The following CTH variants were observed in gnomAD, a reference collection of about 807,000 sequenced individuals.
CTH encodes cystathionine gamma-lyase, also known as cystathionase (cystathionine gamma-lyase).
Under a neutral mutation model 50.6 loss-of-function variants are expected in CTH, and 41 were observed. The ratio of observed to expected loss-of-function variants is 0.81; its 90% CI spans 0.63 to 1.05. The LOEUF (loss-of-function observed/expected upper bound fraction) is 1.05, where lower values mean the gene tolerates loss of function less well. Ranked by LOEUF, CTH falls within the 50% of genes least tolerant of loss-of-function variation. The pLI is 0.00. For missense variants in CTH, 470 were observed against 492.6 expected (o/e 0.95, Z 0.43); for synonymous variants, 156 against 168.9 (o/e 0.92, Z 0.59).
intron 7 of CTH, 87 bp downstream of exon 7, chr1:70,430,481 G>T: frequency 1.4e-6 from 1 of 730,412 alleles, no homozygotes; most frequent in South Asian, 1.6e-5. Flanking sequence ...GTGAAGTGAT[G>T]GCATTCTAAT....
Position 70,439,241 on chromosome 1 carries a change from C to T in CTH, c.*114C>T. 1.1e-6 allele frequency: 1 copy of T among 937,088 alleles called. No individual in the cohort carries two copies. Among genetic ancestry groups the T allele is most frequent in the South Asian group, 1.3e-5 (1 of 75,484 alleles). 58.0% of individuals were successfully genotyped at this position (937,088 alleles called of 1,614,324 possible). On this transcript the variant is annotated 3_prime_UTR_variant, in exon 12 of 12. Transcript: ENST00000370938. ...TTTTCAAGCGGAAATTTTAAGGCAC[C>T]TCATTATCTTTCATAACTGTAATTT...
At chr1:70,427,388 T>C (rs1684367703) in intron 5 of CTH, among the ~76,000 whole-genome samples, 1 of 152,192 alleles carries the variant, frequency 6.6e-6, no homozygotes, top group Non-Finnish European at 1.5e-5. Context: ...TTTATTGAGT[T>C]AGGTATTTTG....
At chr1:70,432,403 G>C (rs1399288194) in intron 8 of CTH, among the ~76,000 whole-genome samples, 168 bp downstream of exon 8, 1 of 152,198 alleles carries the variant, frequency 6.6e-6, no homozygotes, top group Non-Finnish European at 1.5e-5. Context: ...CAGGTGGAAA[G>C]AAGATAGACC....
At position 70,424,330 on chromosome 1, in the gene CTH, G is replaced by A; in HGVS notation, c.502G>A (p.Asp168Asn). 6.2e-7 allele frequency: 1 copy of A among 1,614,084 alleles called. No homozygotes were observed. The stretch of plus-strand genomic sequence containing the variant: ...CACAAACCCCACCCAGAAGGTGATT[G>A]ACATTGAAGGCTGTGCACATATTGT... Reference protein sequence around the residue: ...TPTNPTQKVIDIEGCAHIVHK... With the variant: ...TPTNPTQKVINIEGCAHIVHK... The change falls in exon 5 of 12, where the codon GAC becomes AAC. Residue 168 changes from aspartate to asparagine, a missense_variant. By Grantham distance (23) the Asp-to-Asn change is conservative. Transcript: ENST00000370938.
chr1:70,432,899 G>T (rs1235493148), intron 8 of CTH, among the ~76,000 whole-genome samples: 1 of 151,958 alleles, frequency 6.6e-6, no homozygotes, highest in Non-Finnish European at 1.5e-5. Flanking sequence ...GGCCAGTCTG[G>T]TCTCGAACTC....
At position 70,411,398 on chromosome 1, in the gene CTH, C is replaced by T. The variant is rs763386517; in HGVS notation, c.-18C>T. ...ATCTTCGGTGTTCTTTTCCTCTCTTCTTCTTTCGCGGTTCAGCATGCAGGA... is the reference window on the plus strand; with the variant it reads ...ATCTTCGGTGTTCTTTTCCTCTCTTTTTCTTTCGCGGTTCAGCATGCAGGA... On this transcript the variant is annotated 5_prime_UTR_variant, in exon 1 of 12. Coordinates refer to ENST00000370938, the MANE Select transcript of CTH (RefSeq NM_001902.6). The T allele has an allele frequency of 3.7e-6, 6 of 1,613,782 alleles. No individual in the cohort carries two copies. In the Admixed American group the frequency reaches 1.0e-4, roughly 27 times the overall value.
At chr1:70,436,719 G>A (rs1035567248) in intron 10 of CTH, among the ~76,000 whole-genome samples, 2 of 151,904 alleles carry the variant, frequency 1.3e-5, no homozygotes, top group Admixed American at 6.6e-5. Flanking sequence ...TTCATGTAAC[G>A]CAGATTTTTG....
At chr1:70,437,070 T>C (rs1204122700) in intron 10 of CTH, among the ~76,000 whole-genome samples, 1 of 152,180 alleles carries the variant, frequency 6.6e-6, no homozygotes. Context: ...GTGAAGCTAA[T>C]GTGTATTAGC....
chr1:70,419,612 A>C (rs1003392082), intron 3 of CTH, among the ~76,000 whole-genome samples: 1 of 152,250 alleles, frequency 6.6e-6, no homozygotes, highest in African/African-American at 2.4e-5. Context: ...ATGATGAGTT[A>C]ATGGGTGTAG....
intron 2 of CTH, among the ~76,000 whole-genome samples, chr1:70,417,046 C>T (rs907578304): frequency 6.6e-6 from 1 of 152,028 alleles, no homozygotes; most frequent in African/African-American, 2.4e-5. Flanking sequence ...CTGAGAATAG[C>T]ACTAAAGTTA....
At chr1:70,435,018 T>C in intron 9 of CTH, 107 bp from the exon 10 acceptor site, 4 of 1,042,990 alleles carry the variant, frequency 3.8e-6, no homozygotes, top group Non-Finnish European at 5.4e-6. Flanking sequence ...CCCAAAGTGC[T>C]GGGATTACAG....
At chr1:70,431,357 A>C (rs1684470791) in intron 7 of CTH, among the ~76,000 whole-genome samples, 1 of 152,108 alleles carries the variant, frequency 6.6e-6, no homozygotes, top group Non-Finnish European at 1.5e-5. Flanking sequence ...ATTTGAAATG[A>C]GGGCTTTCAT....
chr1:70,426,110 A>G (rs1270218756), intron 5 of CTH, among the ~76,000 whole-genome samples: 6 of 151,894 alleles, frequency 4.0e-5, no homozygotes, highest in Non-Finnish European at 8.8e-5. Flanking sequence ...CACCCCTCCC[A>G]TACATCTATC....
chr1:70,425,295 G>C (rs1304654372), intron 5 of CTH, among the ~76,000 whole-genome samples: 3 of 152,044 alleles, frequency 2.0e-5, no homozygotes. Flanking sequence ...TCTTTGGGTG[G>C]CCATAACAGA....
Position 70,424,801 on chromosome 1 carries a change from T to C in CTH, c.588+385T>C, listed in dbSNP as rs1285717994. On this transcript the variant is annotated intron_variant, in intron 5 of 11. Transcript: ENST00000370938. ...AAAATTAGCTGGGCGCAGTGGCGGG[T>C]GCCTGTAGTCCCAGCTACTCGGGAG... 2.0e-5 allele frequency among the ~76,000 whole-genome samples: 3 copies of C among 151,350 alleles called. No homozygotes were observed. In the East Asian group the frequency reaches 5.8e-4, roughly 29 times the overall value.
At chr1:70,425,513 C>G (rs1205963617) in intron 5 of CTH, among the ~76,000 whole-genome samples, 1 of 152,134 alleles carries the variant, frequency 6.6e-6, no homozygotes, top group East Asian at 1.9e-4. Flanking sequence ...TGTATTAGTC[C>G]ATTCTCACAC....
intron 3 of CTH, among the ~76,000 whole-genome samples, chr1:70,420,966 CA>C (rs1684207346): frequency 6.6e-6 from 1 of 151,896 alleles, no homozygotes; most frequent in Admixed American, 6.6e-5. Flanking sequence ...GTATCAATAT[CA>C]ATTTTTTCTT....
At chr1:70,430,526 T>C in intron 7 of CTH, 132 bp downstream of exon 7, 1 of 593,880 alleles carries the variant, frequency 1.7e-6, no homozygotes, top group Non-Finnish European at 3.0e-6. Context: ...AGGAGAAAAA[T>C]TCTGATTTTT....
intron 1 of CTH, among the ~76,000 whole-genome samples, chr1:70,414,544 C>A (rs999071314): frequency 1.3e-5 from 2 of 151,496 alleles, no homozygotes; most frequent in Non-Finnish European, 1.5e-5. Flanking sequence ...CACATAGCAA[C>A]AAAACTTTTA....
Sources: gnomAD v4.1 joint callset for allele counts (sites outside exome capture counted in the v4.1 genomes callset) on GRCh38, gnomAD v4.1.1 for gene constraint, MANE v1.5 for transcripts, NCBI Gene and HGNC (gene_info 2026-07-23, HGNC 2026-07-21) for gene names.